Variants in COL19A1 observed in about 807,000 individuals in gnomAD.
COL19A1 encodes the protein collagen alpha-1(XIX) chain.
COL19A1 carries 159 observed loss-of-function variants against 190.2 expected under a neutral mutation model. That is an observed-to-expected ratio of 0.84 (90% CI 0.73 to 0.95). The LOEUF is 0.95. Ranked by LOEUF, COL19A1 falls within the 40% of genes least tolerant of loss-of-function variation. The pLI is 0.00. For synonymous variants in COL19A1, 509 were observed against 458.9 expected, an observed-to-expected ratio of 1.11 and a Z score of -1.39; for missense variants, 1,418 against 1,431.9, an observed-to-expected ratio of 0.99 and a Z score of 0.16.
At chr6:70,140,133 G>T (rs1786147076) in intron 19 of COL19A1, among the ~76,000 whole-genome samples, 1 of 151,936 alleles carries the variant, frequency 6.6e-6, no homozygotes, top group Non-Finnish European at 1.5e-5. Flanking sequence ...GTATATAGTT[G>T]TCCCTTGGTA....
At chr6:70,156,399 G>T (rs201642602) in intron 33 of COL19A1, 30 bp downstream of exon 33, 2 of 1,605,936 alleles carry the variant, frequency 1.2e-6, no homozygotes, top group South Asian at 1.1e-5. Context: ...ACTTTCCCCT[G>T]TGGGAACCTC....
intron 12 of COL19A1, among the ~76,000 whole-genome samples, chr6:70,031,523 AT>A (rs1265165835): frequency 1.3e-5 from 2 of 151,304 alleles, no homozygotes; most frequent in Admixed American, 6.6e-5. Context: ...ATGTGTTCAA[AT>A]TTTTTTTGCT....
At chr6:70,094,143 G>C (rs1382029704) in intron 15 of COL19A1, among the ~76,000 whole-genome samples, 1 of 152,114 alleles carries the variant, frequency 6.6e-6, no homozygotes, top group South Asian at 2.1e-4. Context: ...AACATATTAT[G>C]TCTTCCTCAG....
chr6:70,080,198 A>G (rs1782159921), intron 15 of COL19A1, among the ~76,000 whole-genome samples: 1 of 152,204 alleles, frequency 6.6e-6, no homozygotes, highest in Non-Finnish European at 1.5e-5. Context: ...TTTGCTGTTT[A>G]TAAGAGGCAT....
intron 11 of COL19A1, among the ~76,000 whole-genome samples, chr6:69,974,773 C>A (rs560865607): frequency 3.4e-5 from 5 of 148,116 alleles, no homozygotes; most frequent in Admixed American, 3.4e-4. Flanking sequence ...AAATGAATGA[C>A]TGACCATCTT....
chr6:70,146,233 A>T (rs147660630), intron 25 of COL19A1, among the ~76,000 whole-genome samples: 155 of 152,226 alleles, frequency 1.0e-3, no homozygotes, highest in African/African-American at 3.5e-3. Context: ...AACTACCTGA[A>T]ATTTCTCTTC....
At chr6:69,897,425 T>G (rs1467479917) in intron 2 of COL19A1, among the ~76,000 whole-genome samples, 1 of 151,658 alleles carries the variant, frequency 6.6e-6, no homozygotes, top group Non-Finnish European at 1.5e-5. Context: ...TTTCTGTAGT[T>G]TCATGTAAAT....
intron 11 of COL19A1, among the ~76,000 whole-genome samples, chr6:69,985,144 C>T (rs1776244899): frequency 6.6e-6 from 1 of 152,020 alleles, no homozygotes; most frequent in Non-Finnish European, 1.5e-5. Context: ...AAACTGAATT[C>T]CTCACTATTG....
At chr6:70,144,387 C>A in intron 24 of COL19A1, 124 bp downstream of exon 24, 1 of 773,300 alleles carries the variant, frequency 1.3e-6, no homozygotes, top group Non-Finnish European at 2.1e-6. Context: ...ACATTAACTA[C>A]AATGTAAATG....
At chr6:70,149,587 G>T in intron 27 of COL19A1, 117 bp from the exon 28 acceptor site, 1 of 1,287,840 alleles carries the variant, frequency 7.8e-7, no homozygotes, top group East Asian at 2.5e-5. Context: ...ACGTGTGTAC[G>T]GTGGCAAACC....
chr6:70,174,454 G>A (rs1303783563), intron 41 of COL19A1, among the ~76,000 whole-genome samples: 3 of 152,114 alleles, frequency 2.0e-5, no homozygotes, highest in African/African-American at 7.2e-5. Flanking sequence ...TAGCTACTCA[G>A]GAGGCTGAGG....
chr6:70,006,249 C>T (rs543572457), intron 11 of COL19A1, among the ~76,000 whole-genome samples: 18 of 152,326 alleles, frequency 1.2e-4, no homozygotes, highest in African/African-American at 3.6e-4. Flanking sequence ...TGAGAATCTG[C>T]GCAGCTCTGG....
At position 70,184,607 on chromosome 6, in the gene COL19A1, A is replaced by G. The variant is rs1212865587; in HGVS notation, c.2776-96A>G. The G allele has an allele frequency of 3.2e-6, 3 of 948,524 alleles. No individual in the cohort carries two copies. The African/African-American group carries it at 4.9e-5, about 16-fold the overall frequency. 58.8% of individuals were successfully genotyped at this position (948,524 alleles called of 1,614,324 possible). A position where few individuals can be genotyped will look rare whatever the true frequency, so the allele number is the denominator to read the frequency against. On this transcript the variant is annotated intron_variant, in intron 44 of 50. Transcript: ENST00000620364. Reference sequence around the variant, plus strand: ...TTTCTTTACCAAGCTCTCAGTAGAAATATGATTAAGGAACTGTCCTCGAAA... The same window carrying G: ...TTTCTTTACCAAGCTCTCAGTAGAAGTATGATTAAGGAACTGTCCTCGAAA...
chr6:70,130,155 G>C (rs779548763), intron 17 of COL19A1, 27 bp from the exon 18 acceptor site: 11 of 1,609,344 alleles, frequency 6.8e-6, no homozygotes, highest in Non-Finnish European at 9.3e-6. Flanking sequence ...TTTTTCTTTT[G>C]TATTTTAAAT....
chr6:70,169,627 A>G (rs1765384026), intron 40 of COL19A1, among the ~76,000 whole-genome samples: 1 of 152,124 alleles, frequency 6.6e-6, no homozygotes, highest in African/African-American at 2.4e-5. Context: ...TAAAAGCCAA[A>G]TTGTTATCCC....
intron 2 of COL19A1, 49 bp downstream of exon 2, chr6:69,879,707 T>C: frequency 6.6e-7 from 1 of 1,519,466 alleles, no homozygotes; most frequent in Non-Finnish European, 9.1e-7. Context: ...TTTATAGCCT[T>C]TAAGTCATTA....
chr6:70,030,184 C>T (rs533693494), intron 12 of COL19A1, among the ~76,000 whole-genome samples: 8 of 152,226 alleles, frequency 5.3e-5, no homozygotes, highest in South Asian at 2.1e-4. Flanking sequence ...CATCCCTTCC[C>T]CTCCTCCCTG....
chr6:69,980,026 C>A (rs1775954710), intron 11 of COL19A1, among the ~76,000 whole-genome samples: 1 of 151,690 alleles, frequency 6.6e-6, no homozygotes, highest in African/African-American at 2.4e-5. Context: ...ACAGGAATTC[C>A]AACATGTTTT....
At chr6:70,206,269 A>G (rs566587988) in intron 49 of COL19A1, among the ~76,000 whole-genome samples, 28 of 152,332 alleles carry the variant, frequency 1.8e-4, no homozygotes, top group Non-Finnish European at 3.4e-4. Flanking sequence ...ACAGCTTGTC[A>G]TAGCTATTTG....
Sources: gnomAD v4.1 joint callset for allele counts (sites outside exome capture counted in the v4.1 genomes callset) on GRCh38, gnomAD v4.1.1 for gene constraint, MANE v1.5 for transcripts, NCBI Gene and HGNC (gene_info 2026-07-23, HGNC 2026-07-21) for gene names.